The following DACH2 variants were observed in gnomAD, a reference collection of about 807,000 sequenced individuals.
DACH2 encodes the protein dachshund family transcription factor 2.
DACH2 carries 17 observed loss-of-function variants against 35.8 expected under a neutral mutation model. That is an observed-to-expected ratio of 0.48 (90% CI 0.33 to 0.71). DACH2 has a LOEUF of 0.71. Ranked by LOEUF, DACH2 falls within the 30% of genes least tolerant of loss-of-function variation. The probability of loss-of-function intolerance (pLI) is 0.02; values close to 1 mark genes in which losing one functional copy is unlikely to be tolerated. For missense variants in DACH2, 469 were observed against 472.7 expected, an observed-to-expected ratio of 0.99 and a Z score of 0.07; for synonymous variants, 195 against 177.3, an observed-to-expected ratio of 1.10 and a Z score of -0.79.
intron 6 of DACH2, among the ~76,000 whole-genome samples, chrX:86,728,703 G>A (rs1228673431): frequency 3.6e-5 from 4 of 112,541 alleles, no homozygotes; most frequent in Non-Finnish European, 7.5e-5. Context: ...TCCAGCCTCA[G>A]CTCAGAGGAC....
At position 86,646,090 on chromosome X, in the gene DACH2, A is replaced by G. The variant is rs1952099730; in HGVS notation, c.641-4946A>G. Reference sequence around the variant, plus strand: ...AAGAAATAAAATATGATTTACACATACAACATGGGATACTATTTAGCTGTA... The same window carrying G: ...AAGAAATAAAATATGATTTACACATGCAACATGGGATACTATTTAGCTGTA... On this transcript the variant is annotated intron_variant, in intron 3 of 11. Transcript: ENST00000373125. Among the ~76,000 whole-genome samples the G allele has an allele frequency of 1.8e-5, 2 of 111,772 alleles. 1 individual carries two copies. The highest frequency in any genetic ancestry group is 7.3e-4 in the South Asian group (2 of 2,728).
At chrX:86,494,109 C>A (rs773795385) in intron 2 of DACH2, among the ~76,000 whole-genome samples, 1 of 111,643 alleles carries the variant, frequency 9.0e-6, no homozygotes, top group Non-Finnish European at 1.9e-5. Flanking sequence ...CATTGTTGAT[C>A]GCTGCCTAGT....
At chrX:86,190,737 G>T (rs1383015709) in intron 1 of DACH2, among the ~76,000 whole-genome samples, 1 of 111,449 alleles carries the variant, frequency 9.0e-6, no homozygotes, top group Non-Finnish European at 1.9e-5. Flanking sequence ...CTGAGGTCGG[G>T]AGTTCAAGAC....
chrX:86,530,424 C>A (rs955709758), intron 3 of DACH2, among the ~76,000 whole-genome samples: 29 of 111,266 alleles, frequency 2.6e-4, no homozygotes, highest in African/African-American at 9.5e-4. Flanking sequence ...ATTTCTCCTT[C>A]GATGTTCTCA....
In DACH2 at chrX:86,209,286, T is replaced by C. The variant is rs550179326; in HGVS notation, c.488+60178T>C. Among the ~76,000 whole-genome samples the C allele has an allele frequency of 2.9e-4, 32 of 111,489 alleles. No individual in the cohort carries two copies. The South Asian group carries it at 0.012, about 40-fold the overall frequency. On this transcript the variant is annotated intron_variant, in intron 1 of 11. Transcript: ENST00000373125. ...GCCAGGTCTCCTATCAACCCTTGAGTAGATAACATCTTCCATGGTACGTTA... is the reference window on the plus strand; with the variant it reads ...GCCAGGTCTCCTATCAACCCTTGAGCAGATAACATCTTCCATGGTACGTTA...
At chrX:86,249,416 A>C (rs73516011) in intron 1 of DACH2, among the ~76,000 whole-genome samples, 3,264 of 111,792 alleles carry the variant, frequency 0.029, 108 homozygotes, top group African/African-American at 0.1. Context: ...TTCTCTATAG[A>C]ATACATACAC....
At chrX:86,475,624 T>C (rs1171187565) in intron 2 of DACH2, among the ~76,000 whole-genome samples, 1 of 112,054 alleles carries the variant, frequency 8.9e-6, no homozygotes, top group Non-Finnish European at 1.9e-5. Flanking sequence ...TCATATCATC[T>C]ACAAACAATG....
chrX:86,561,919 AAG>A (rs1569440874), intron 3 of DACH2, among the ~76,000 whole-genome samples: 2 of 95,904 alleles, frequency 2.1e-5, no homozygotes, highest in African/African-American at 8.3e-5. Flanking sequence ...AAAAAAAAAA[AAG>A]AGAATTCAGC....
At chrX:86,268,428 C>G (rs1046605382) in intron 1 of DACH2, among the ~76,000 whole-genome samples, 1 of 111,391 alleles carries the variant, frequency 9.0e-6, no homozygotes, top group African/African-American at 3.2e-5. Context: ...AGCAATTTAA[C>G]CAATGCCACA....
intron 3 of DACH2, among the ~76,000 whole-genome samples, chrX:86,580,201 T>C (rs2039485048): frequency 1.8e-5 from 2 of 111,637 alleles, no homozygotes; most frequent in Admixed American, 1.9e-4. Flanking sequence ...CCCAAGGGCA[T>C]CAAAGAAGAT....
intron 3 of DACH2, among the ~76,000 whole-genome samples, chrX:86,568,912 A>G (rs1169492910): frequency 9.0e-6 from 1 of 111,449 alleles, no homozygotes; most frequent in Non-Finnish European, 1.9e-5. Context: ...TGTCTTGATC[A>G]CTTCCGATTT....
At chrX:86,695,284 A>G in intron 5 of DACH2, 105 bp downstream of exon 5, 1 of 678,876 alleles carries the variant, frequency 1.5e-6, no homozygotes, top group Non-Finnish European at 2.0e-6. Flanking sequence ...TCTTCAATAA[A>G]GTTTAACAAT....
At chrX:86,543,999 G>T (rs1272252430) in intron 3 of DACH2, among the ~76,000 whole-genome samples, 1 of 110,058 alleles carries the variant, frequency 9.1e-6, no homozygotes, top group Non-Finnish European at 1.9e-5. Context: ...AATAAAAAAA[G>T]AATACAGTTG....
intron 3 of DACH2, among the ~76,000 whole-genome samples, chrX:86,639,748 C>A (rs2040322945): frequency 9.0e-6 from 1 of 111,472 alleles, no homozygotes; most frequent in Non-Finnish European, 1.9e-5. Flanking sequence ...GCTACTGGGG[C>A]ACCTTAGTAG....
chrX:86,719,790 C>A (rs979614021), intron 6 of DACH2, among the ~76,000 whole-genome samples: 10 of 110,357 alleles, frequency 9.1e-5, no homozygotes, highest in African/African-American at 3.0e-4. Context: ...GGGATTATAA[C>A]AATTCAAGGT....
At chrX:86,325,041 A>G (rs2035088094) in intron 1 of DACH2, among the ~76,000 whole-genome samples, 1 of 111,587 alleles carries the variant, frequency 9.0e-6, no homozygotes, top group Non-Finnish European at 1.9e-5. Flanking sequence ...ATTTGATTGC[A>G]AACTGAGTAG....
intron 3 of DACH2, among the ~76,000 whole-genome samples, chrX:86,531,514 G>A (rs1015019967): frequency 1.8e-5 from 2 of 112,172 alleles, no homozygotes; most frequent in Non-Finnish European, 3.8e-5. Flanking sequence ...TGTTCCTTCA[G>A]AGAGTGCAAG....
chrX:86,736,704 C>T (rs951952842), intron 6 of DACH2, among the ~76,000 whole-genome samples: 3 of 111,224 alleles, frequency 2.7e-5, no homozygotes, highest in Non-Finnish European at 5.7e-5. Context: ...CTGTAGGGAT[C>T]ACTTAAAAAT....
chrX:86,301,805 T>A (rs1355731713), intron 1 of DACH2, among the ~76,000 whole-genome samples: 4 of 112,137 alleles, frequency 3.6e-5, no homozygotes, highest in African/African-American at 9.7e-5. Flanking sequence ...ATATTAATTG[T>A]CCTGAATATG....
Sources: allele counts gnomAD v4.1 joint callset (sites outside exome capture counted in the v4.1 genomes callset), GRCh38; gene constraint gnomAD v4.1.1; transcripts MANE v1.5; gene names NCBI Gene and HGNC (gene_info 2026-07-23, HGNC 2026-07-21).